Variants in ABHD6 observed in about 807,000 individuals in gnomAD.
The protein encoded by ABHD6 is monoacylglycerol lipase ABHD6.
A neutral mutation model predicts 38.8 loss-of-function variants in ABHD6; 33 were observed. The observed-to-expected ratio is 0.85, with a 90% CI of 0.64 to 1.14. The LOEUF (loss-of-function observed/expected upper bound fraction) is 1.14, where lower values mean the gene tolerates loss of function less well. ABHD6 is among the 50% of genes most tolerant of loss of function. The pLI, the probability that ABHD6 is intolerant of heterozygous loss-of-function variation, is 0.00. For missense variants in ABHD6, 380 were observed against 422.6 expected (o/e 0.90, Z 0.88); for synonymous variants, 147 against 161.6 (o/e 0.91, Z 0.69).
intron 6 of ABHD6, among the ~76,000 whole-genome samples, chr3:58,272,533 G>T (rs944853524): frequency 6.6e-6 from 1 of 152,110 alleles, no homozygotes; most frequent in African/African-American, 2.4e-5. Context: ...AAATCGAAGA[G>T]AAGACACCAA....
At chr3:58,253,508 G>C (rs1461197537) in intron 2 of ABHD6, among the ~76,000 whole-genome samples, 1 of 152,182 alleles carries the variant, frequency 6.6e-6, no homozygotes, top group Non-Finnish European at 1.5e-5. Context: ...GTGTTAAATA[G>C]GTGACTCCTT....
At chr3:58,286,870 G>GTGTATATATATATATATATATA (rs2097457742) in intron 9 of ABHD6, among the ~76,000 whole-genome samples, 1 of 75,042 alleles carries the variant, frequency 1.3e-5, no homozygotes, top group Non-Finnish European at 2.7e-5. Context: ...ATATATATAT[G>GTGTATATATATATATATATATA]TATATGTATA....
At chr3:58,252,410 C>G (rs995734096) in intron 2 of ABHD6, among the ~76,000 whole-genome samples, 1 of 151,650 alleles carries the variant, frequency 6.6e-6, no homozygotes, top group African/African-American at 2.4e-5. Flanking sequence ...GATGGGGCCT[C>G]TCCATGTTGC....
chr3:58,280,624 T>A (rs955482085), intron 7 of ABHD6, among the ~76,000 whole-genome samples: 14 of 152,230 alleles, frequency 9.2e-5, no homozygotes, highest in Admixed American at 2.6e-4. Context: ...CATCCAGCTT[T>A]GTTCCGTTGC....
In ABHD6 at chr3:58,265,002, T is replaced by TG. The variant is rs2097439946; in HGVS notation, c.120-2187_120-2186insG. On this transcript the variant is annotated intron_variant, in intron 3 of 9. Transcript: ENST00000478253. This position sits in a 1 kb window ranked among gnomAD's most constrained non-coding sequence, Gnocchi z 4.2. ...AATAGTAGGTCTTATTCATTCTTTC[T>TG]ATTTTTTTTGTACCCATTAACCATC... 8.8e-6 allele frequency among the ~76,000 whole-genome samples: 1 copy of TG among 113,306 alleles called. No individual in the cohort carries two copies. Among genetic ancestry groups the TG allele is most frequent in the Non-Finnish European group, 1.8e-5 (1 of 55,266 alleles). The allele number at this position is 113,306 out of a possible 152,430, so 74.3% of individuals were successfully genotyped here.
chr3:58,288,229 G>C (rs1575532852), intron 9 of ABHD6, among the ~76,000 whole-genome samples: 2 of 152,160 alleles, frequency 1.3e-5, no homozygotes, highest in Non-Finnish European at 2.9e-5. Flanking sequence ...AACATTTGGT[G>C]TCACAGCACC....
At chr3:58,272,795 A>G (rs2097445971) in intron 6 of ABHD6, among the ~76,000 whole-genome samples, 2 of 152,218 alleles carry the variant, frequency 1.3e-5, no homozygotes, top group Admixed American at 1.3e-4. Flanking sequence ...TAAATTCAGG[A>G]TTATATCCTA....
At chr3:58,288,761 A>G (rs1442254037) in intron 9 of ABHD6, among the ~76,000 whole-genome samples, 4 of 152,176 alleles carry the variant, frequency 2.6e-5, no homozygotes, top group Non-Finnish European at 1.5e-5. Context: ...ACCTACCCTT[A>G]TAGTGCATAA....
intron 6 of ABHD6, among the ~76,000 whole-genome samples, chr3:58,271,332 TTA>T (rs1491418395): frequency 5.1e-5 from 3 of 59,012 alleles, no homozygotes; most frequent in East Asian, 6.9e-3. Context: ...CATTTAAAAT[TTA>T]AAAAAAAAAA....
rs145872192 is a variant in ABHD6, at chr3:58,250,705, G to A, written c.-26+763G>A. Among the ~76,000 whole-genome samples, 195 of 152,202 alleles carry A rather than the reference G, an allele frequency of 1.3e-3. 2 individuals are homozygous for A. In the East Asian group the frequency reaches 0.036, roughly 28 times the overall value. On this transcript the variant is annotated intron_variant, in intron 2 of 9. Coordinates refer to ENST00000478253, the MANE Select transcript of ABHD6 (RefSeq NM_001320126.2). ...AAATGTTGAACCCAACTGGGATTGG[G>A]TTTTTAGGTATTAGTTTTTAGGGGT...
In ABHD6 at chr3:58,257,771, C is replaced by T. The variant is rs1403589664; in HGVS notation, c.119+1066C>T. Among the ~76,000 whole-genome samples, 1 of 152,148 alleles carries T rather than the reference C, an allele frequency of 6.6e-6. No individual in the cohort carries two copies. The highest frequency in any genetic ancestry group is 1.5e-5 in the Non-Finnish European group (1 of 68,036). ...GAGATGGCATGTTTAGGACAGAATG[C>T]TTTTAGAGTTGTTCTAGAAGTGTTC... On this transcript the variant is annotated intron_variant, in intron 3 of 9. Transcript: ENST00000478253. The surrounding 1 kb of genome is among the most constrained non-coding windows in gnomAD (Gnocchi z 4.8).
intron 1 of ABHD6, among the ~76,000 whole-genome samples, chr3:58,239,382 A>T (rs2097421271): frequency 6.6e-6 from 1 of 152,166 alleles, no homozygotes; most frequent in South Asian, 2.1e-4. Context: ...AGCAGCTGTT[A>T]TTATGAAGAG....
At chr3:58,286,826 G>GTA (rs60268675) in intron 9 of ABHD6, among the ~76,000 whole-genome samples, 1,296 of 56,232 alleles carry the variant, frequency 0.023, 54 homozygotes, top group African/African-American at 0.065. Context: ...TCATATATGT[G>GTA]TGTGTGTGTG....
chr3:58,244,728 G>T (rs925681202), intron 1 of ABHD6, among the ~76,000 whole-genome samples: 1 of 151,812 alleles, frequency 6.6e-6, no homozygotes, highest in Admixed American at 6.6e-5. Flanking sequence ...AGTCTAGCCT[G>T]GGCAACAGAG....
chr3:58,284,558 C>G (rs1425357512), intron 7 of ABHD6, among the ~76,000 whole-genome samples: 1 of 151,676 alleles, frequency 6.6e-6, no homozygotes, highest in African/African-American at 2.4e-5. Context: ...TCAAGTGATT[C>G]TCCTGCCTCA....
chr3:58,293,750 C>T lies in ABHD6; in HGVS notation c.999C>T (p.Asn333=). The change falls in exon 10 of 10, where the codon AAC becomes AAT. Residue 333 remains asparagine, a synonymous_variant. Transcript: ENST00000478253. This position sits in a 1 kb window ranked among gnomAD's most constrained non-coding sequence, Gnocchi z 4.4. ...CTTCTGTGCACAACACAGACAACAA[C>T]AAGAAGCTGGACTGAGGCCCCGACT... is the stretch of plus-strand genomic sequence containing the variant. ...FLASVHNTDN[N]KKLD 6.2e-7 allele frequency: 1 copy of T among 1,614,148 alleles called. No homozygotes were observed. The highest frequency in any genetic ancestry group is 8.5e-7 in the Non-Finnish European group (1 of 1,180,006).
chr3:58,255,573 C>T (rs960742797), intron 2 of ABHD6, among the ~76,000 whole-genome samples: 3 of 151,990 alleles, frequency 2.0e-5, no homozygotes, highest in Admixed American at 1.3e-4. Flanking sequence ...GATCCTCCCA[C>T]CTTGGTCTCC....
At chr3:58,284,674 C>T (rs540796396) in intron 7 of ABHD6, among the ~76,000 whole-genome samples, 7 of 152,200 alleles carry the variant, frequency 4.6e-5, no homozygotes, top group African/African-American at 1.7e-4. Flanking sequence ...TGGTCTTGAA[C>T]TCCTGGCCTC....
intron 4 of ABHD6, among the ~76,000 whole-genome samples, chr3:58,268,458 G>A (rs998264205): frequency 6.6e-6 from 1 of 152,104 alleles, no homozygotes; most frequent in African/African-American, 2.4e-5. Context: ...GTTTACTTGG[G>A]TGTGGCAACT....
Sources: allele counts gnomAD v4.1 joint callset (sites outside exome capture counted in the v4.1 genomes callset), GRCh38; gene constraint gnomAD v4.1.1; non-coding constraint Gnocchi (gnomAD v3.1); transcripts MANE v1.5; gene names NCBI Gene and HGNC (gene_info 2026-07-23, HGNC 2026-07-21).